Variants in TRAF5 observed in about 807,000 individuals in gnomAD.
TRAF5 encodes the protein TNF receptor-associated factor 5.
Under a neutral mutation model 64.5 loss-of-function variants are expected in TRAF5, and 48 were observed. The observed-to-expected ratio is 0.74, with a 90% confidence interval of 0.59 to 0.95. The LOEUF (loss-of-function observed/expected upper bound fraction) is 0.95, where lower values mean the gene tolerates loss of function less well. Among genes scored for constraint, TRAF5 ranks in the 40% least tolerant of loss-of-function variants. TRAF5 has a pLI of 0.00. For synonymous variants in TRAF5, 206 were observed against 240.5 expected (o/e 0.86, Z 1.33); for missense variants, 545 against 662.8 (o/e 0.82, Z 1.95).
chr1:211,371,977 T>A lies in TRAF5; in HGVS notation c.1100-151T>A, dbSNP rs144915344. 4.4e-4 allele frequency: 306 copies of A among 688,362 alleles called. 2 individuals carry two copies. In the East Asian group the frequency reaches 8.4e-3, roughly 19 times the overall value. 42.6% of individuals were successfully genotyped at this position (688,362 alleles called of 1,614,324 possible). A position where few individuals can be genotyped will look rare whatever the true frequency, so the allele number is the denominator to read the frequency against. On this transcript the variant is annotated intron_variant, in intron 10 of 10. Transcript: ENST00000261464. ...TGCCAAGACATGATATTCCCTGAGT[T>A]AATATTACTACAACAAATGAATTCA...
chr1:211,349,662 C>T (rs1338198483), intron 1 of TRAF5, among the ~76,000 whole-genome samples: 1 of 152,196 alleles, frequency 6.6e-6, no homozygotes, highest in African/African-American at 2.4e-5. Context: ...TGGAGAACTA[C>T]TGTTGTAGCA....
chr1:211,347,760 T>C (rs1702656103), intron 1 of TRAF5, among the ~76,000 whole-genome samples: 2 of 152,244 alleles, frequency 1.3e-5, no homozygotes, highest in Admixed American at 6.5e-5. Context: ...TTCCAAAGTG[T>C]GCTTCAAGGG....
chr1:211,337,793 C>T (rs375889660), intron 1 of TRAF5, among the ~76,000 whole-genome samples: 6 of 152,126 alleles, frequency 3.9e-5, no homozygotes, highest in African/African-American at 7.2e-5. Context: ...GTCCAAGTGA[C>T]GCTGTGATTG....
intron 4 of TRAF5, chr1:211,357,645 G>C (rs1330714027): frequency 6.6e-6 from 1 of 151,636 alleles, no homozygotes; most frequent in Non-Finnish European, 1.5e-5. Context: ...GAGTTTTGAT[G>C]AATGTTGACT....
chr1:211,363,061 A>G (rs1703237491), intron 7 of TRAF5, among the ~76,000 whole-genome samples: 1 of 152,224 alleles, frequency 6.6e-6, no homozygotes, highest in Admixed American at 6.5e-5. Flanking sequence ...AACAAGAAAT[A>G]TACTTTAATA....
Position 211,360,649 on chromosome 1 carries a change from C to T in TRAF5, c.544-53C>T, listed in dbSNP as rs568607061. ...CCCCAAAGAGACACAGGTGTAATCA[C>T]TGTGAGGCCATGAAAGACAACCCTT... On this transcript the variant is annotated intron_variant, in intron 5 of 10. Coordinates refer to ENST00000261464, the MANE Select transcript of TRAF5 (RefSeq NM_001033910.3). 404 of 1,421,710 alleles carry T rather than the reference C, an allele frequency of 2.8e-4. 1 individual carries two copies. The highest frequency in any genetic ancestry group is 3.9e-4 in the Non-Finnish European group (388 of 1,005,836). The allele number at this position is 1,421,710 out of a possible 1,614,324, so 88.1% of individuals were successfully genotyped here. A position where few individuals can be genotyped will look rare whatever the true frequency, so the allele number is the denominator to read the frequency against.
Position 211,372,426 on chromosome 1 carries a change from G to A in TRAF5, c.1398G>A (p.Met466Ile). Residue 466 changes from methionine to isoleucine, a missense_variant, in exon 11 of 11, where the codon ATG (methionine) becomes ATA (isoleucine). Met to Ile is a conservative substitution (Grantham distance 10). Coordinates refer to ENST00000261464, the MANE Select transcript of TRAF5 (RefSeq NM_001033910.3). ...GSHLSLYFVV[M>I]RGEFDSLLQW... ...ACCTGTCCCTATACTTTGTGGTCAT[G>A]CGAGGAGAGTTTGACTCACTGTTGC... 6.2e-7 allele frequency: 1 copy of A among 1,614,160 alleles called. No homozygotes were observed. The highest frequency in any genetic ancestry group is 8.5e-7 in the Non-Finnish European group (1 of 1,180,016).
chr1:211,365,915 A>T (rs923420558), intron 8 of TRAF5, among the ~76,000 whole-genome samples: 2 of 152,200 alleles, frequency 1.3e-5, no homozygotes, highest in African/African-American at 4.8e-5. Flanking sequence ...TCTAAGCACT[A>T]TGGGTTTTAT....
intron 1 of TRAF5, among the ~76,000 whole-genome samples, chr1:211,329,451 G>C (rs930566710): frequency 6.6e-5 from 10 of 152,180 alleles, no homozygotes; most frequent in Non-Finnish European, 4.4e-5. Flanking sequence ...AGAAGGGAGA[G>C]GCACATGCTA....
chr1:211,354,600 G>A (rs1572076235), intron 3 of TRAF5, 133 bp downstream of exon 3: 1 of 876,572 alleles, frequency 1.1e-6, no homozygotes, highest in African/African-American at 1.7e-5. Context: ...TCTGCTGTGG[G>A]GTCACATCAG....
chr1:211,337,616 G>T (rs1387957829), intron 1 of TRAF5, among the ~76,000 whole-genome samples: 1 of 152,210 alleles, frequency 6.6e-6, no homozygotes, highest in Non-Finnish European at 1.5e-5. Flanking sequence ...CCAGCTAGGA[G>T]ACTGATGCAA....
rs565768724 is a variant in TRAF5 at position 211,338,008 on chromosome 1, T to G, written c.-2+11119T>G. On this transcript the variant is annotated intron_variant, in intron 1 of 10. Coordinates refer to ENST00000261464, the MANE Select transcript of TRAF5 (RefSeq NM_001033910.3). The stretch of plus-strand genomic sequence containing the variant: ...GCTGGTAAGGCCAGGAGCTGGGACG[T>G]GCTCACCCAGAGAATGAGTGCAGAT... 8.5e-5 allele frequency among the ~76,000 whole-genome samples: 13 copies of G among 152,250 alleles called. No individual in the cohort carries two copies. The East Asian group carries it at 2.5e-3, about 29-fold the overall frequency.
chr1:211,356,046 G>A lies in TRAF5; in HGVS notation c.277-321G>A, dbSNP rs149101082. On this transcript the variant is annotated intron_variant, in intron 3 of 10. Transcript: ENST00000261464. ...TAATACATTTACCCTGGGACAGGAA[G>A]CTGAAAGCATCACCCTTGGCCAAGC... Among the ~76,000 whole-genome samples, 37 of 152,356 alleles carry A rather than the reference G, an allele frequency of 2.4e-4. 1 individual carries two copies. Among genetic ancestry groups the A allele is most frequent in the African/African-American group, 8.7e-4 (36 of 41,582 alleles).
intron 1 of TRAF5, among the ~76,000 whole-genome samples, chr1:211,335,783 G>C (rs1330306830): frequency 6.6e-6 from 1 of 152,192 alleles, no homozygotes; most frequent in Non-Finnish European, 1.5e-5. Flanking sequence ...AAGGGGGAAA[G>C]GTTCTCTGTT....
chr1:211,346,983 A>G (rs548798427), intron 1 of TRAF5, among the ~76,000 whole-genome samples: 3 of 152,274 alleles, frequency 2.0e-5, no homozygotes, highest in African/African-American at 7.2e-5. Context: ...TGAGTTAACA[A>G]CTCTTCAGTA....
At chr1:211,367,194 G>A (rs933373603) in intron 8 of TRAF5, among the ~76,000 whole-genome samples, 2 of 152,156 alleles carry the variant, frequency 1.3e-5, no homozygotes, top group African/African-American at 4.8e-5. Flanking sequence ...ATGTTGTCCA[G>A]GCTGGTCTCA....
chr1:211,346,888 A>T (rs1702624914), intron 1 of TRAF5, among the ~76,000 whole-genome samples: 1 of 152,226 alleles, frequency 6.6e-6, no homozygotes, highest in African/African-American at 2.4e-5. Context: ...TCAATTTATG[A>T]AACAAGAAGA....
chr1:211,374,546 T>C lies in TRAF5; in HGVS notation c.*1844T>C, dbSNP rs1343455602. On this transcript the variant is annotated 3_prime_UTR_variant, in exon 11 of 11. Coordinates refer to ENST00000261464, the MANE Select transcript of TRAF5 (RefSeq NM_001033910.3). ...CAAAGAAATAGGTTCACAACAGGAA[T>C]ATACTGAAGAACTAGAGTGTCACTG... 1 of 152,268 alleles carries C rather than the reference T, an allele frequency of 6.6e-6. No individual in the cohort carries two copies. Among genetic ancestry groups the C allele is most frequent in the Non-Finnish European group, 1.5e-5 (1 of 68,050 alleles). The allele number at this position is 152,268 out of a possible 1,614,324, so 9.4% of individuals were successfully genotyped here.
In TRAF5 at chr1:211,337,108, C is replaced by G. The variant is rs113719790; in HGVS notation, c.-2+10219C>G. 6.5e-3 allele frequency among the ~76,000 whole-genome samples: 993 copies of G among 152,362 alleles called. 15 individuals carry two copies. Among genetic ancestry groups the G allele is most frequent in the Non-Finnish European group, 0.01 (687 of 68,038 alleles). ...GCTGTGCTGGAGCTTATATTCTATT[C>G]TGATAGGGGAAGACAGAGAGCAAAG... On this transcript the variant is annotated intron_variant, in intron 1 of 10. Transcript: ENST00000261464.
Sources: allele counts gnomAD v4.1 joint callset (sites outside exome capture counted in the v4.1 genomes callset), GRCh38; gene constraint gnomAD v4.1.1; transcripts MANE v1.5; gene names NCBI Gene and HGNC (gene_info 2026-07-23, HGNC 2026-07-21).